Variants in CLYBL observed in about 807,000 individuals in gnomAD.
CLYBL encodes citramalyl-CoA lyase, mitochondrial.
A neutral mutation model predicts 38.9 loss-of-function variants in CLYBL; 31 were observed. That is an observed-to-expected ratio of 0.80 (90% CI 0.60 to 1.08). CLYBL has a LOEUF of 1.08. Among genes scored for constraint, CLYBL ranks in the 50% least tolerant of loss-of-function variants. The pLI, the probability that CLYBL is intolerant of heterozygous loss-of-function variation, is 0.00. For missense variants in CLYBL, 434 were observed against 411.6 expected (o/e 1.05, Z -0.47); for synonymous variants, 171 against 158.6 (o/e 1.08, Z -0.59).
intron 1 of CLYBL, among the ~76,000 whole-genome samples, chr13:99,733,643 A>G (rs893594255): frequency 2.6e-5 from 4 of 152,248 alleles, no homozygotes; most frequent in African/African-American, 9.6e-5. Context: ...TCCTTCCCTC[A>G]GAAGAAACAG....
intron 2 of CLYBL, among the ~76,000 whole-genome samples, chr13:99,844,186 G>C (rs531160197): frequency 6.6e-6 from 1 of 152,304 alleles, no homozygotes; most frequent in East Asian, 1.9e-4. Flanking sequence ...GTAAGGAAGG[G>C]TTCTGCAGAC....
chr13:99,874,782 G>A (rs1006715821), intron 7 of CLYBL, among the ~76,000 whole-genome samples: 1 of 152,142 alleles, frequency 6.6e-6, no homozygotes, highest in Non-Finnish European at 1.5e-5. Context: ...AGGCAAAAAT[G>A]ACAGCTAAAG....
At chr13:99,685,985 A>T (rs1000192767) in intron 1 of CLYBL, among the ~76,000 whole-genome samples, 4 of 152,126 alleles carry the variant, frequency 2.6e-5, no homozygotes, top group Non-Finnish European at 5.9e-5. Flanking sequence ...AGAATCTCAT[A>T]GACATTTTTC....
intron 2 of CLYBL, among the ~76,000 whole-genome samples, chr13:99,817,299 G>C (rs752318791): frequency 1.3e-5 from 2 of 152,124 alleles, no homozygotes; most frequent in Admixed American, 1.3e-4. Flanking sequence ...CGAGAGGAGA[G>C]GAGACGAAAG....
At chr13:99,701,420 C>G (rs1337432197) in intron 1 of CLYBL, among the ~76,000 whole-genome samples, 1 of 152,070 alleles carries the variant, frequency 6.6e-6, no homozygotes, top group Non-Finnish European at 1.5e-5. Context: ...ACACTGTTCT[C>G]CTGCCTCAGC....
At chr13:99,864,591 A>G (rs764737470) in intron 4 of CLYBL, among the ~76,000 whole-genome samples, 2 of 152,268 alleles carry the variant, frequency 1.3e-5, no homozygotes, top group African/African-American at 2.4e-5. Context: ...TTTGAACATT[A>G]TAACTATATT....
chr13:99,765,779 A>G (rs1310643075), intron 1 of CLYBL, among the ~76,000 whole-genome samples: 1 of 151,934 alleles, frequency 6.6e-6, no homozygotes, highest in East Asian at 1.9e-4. Flanking sequence ...TCCTGGGTTC[A>G]AGCAATCCAC....
chr13:99,718,159 A>C (rs2048345671), intron 1 of CLYBL, among the ~76,000 whole-genome samples: 1 of 152,066 alleles, frequency 6.6e-6, no homozygotes, highest in African/African-American at 2.4e-5. Flanking sequence ...AACTATAGGC[A>C]TTAGCTACCT....
intron 1 of CLYBL, among the ~76,000 whole-genome samples, chr13:99,612,399 T>TTTC (rs1222894755): frequency 6.7e-6 from 1 of 148,234 alleles, no homozygotes; most frequent in African/African-American, 2.5e-5. Flanking sequence ...TTTTTTTTTT[T>TTTC]TTTTTTGAGA....
chr13:99,673,853 G>A (rs903113193), intron 1 of CLYBL, among the ~76,000 whole-genome samples: 5 of 152,232 alleles, frequency 3.3e-5, no homozygotes, highest in African/African-American at 1.2e-4. Context: ...GGTGAGAGCT[G>A]CTGGTGTCTC....
intron 1 of CLYBL, among the ~76,000 whole-genome samples, chr13:99,725,782 C>T (rs780597390): frequency 7.9e-5 from 12 of 152,126 alleles, no homozygotes; most frequent in Admixed American, 3.9e-4. Flanking sequence ...GAACGGCTCC[C>T]GGGGAGGCAT....
intron 7 of CLYBL, chr13:99,877,571 C>CTTAT: frequency 1.4e-5 from 3 of 212,138 alleles, no homozygotes; most frequent in South Asian, 1.1e-4. Context: ...TTTTGTAATT[C>CTTAT]TTTTTTTTTT....
intron 1 of CLYBL, among the ~76,000 whole-genome samples, chr13:99,677,697 C>G (rs956270003): frequency 1.3e-5 from 2 of 152,186 alleles, no homozygotes; most frequent in African/African-American, 4.8e-5. Context: ...ATTGTAATTA[C>G]ATTTGATCAC....
chr13:99,840,168 CAG>C (rs1228798630), intron 2 of CLYBL, among the ~76,000 whole-genome samples: 7 of 151,676 alleles, frequency 4.6e-5, no homozygotes, highest in Non-Finnish European at 8.8e-5. Context: ...CTGCGATGGT[CAG>C]AGACACCAGG....
chr13:99,787,154 G>A (rs1362457512), intron 2 of CLYBL, among the ~76,000 whole-genome samples: 4 of 152,038 alleles, frequency 2.6e-5, no homozygotes, highest in Non-Finnish European at 5.9e-5. Flanking sequence ...TCTGTAGGTT[G>A]CCTGTTCACT....
downstream of CLYBL, chr13:99,893,201 G>A (rs1479947301): frequency 1.3e-5 from 2 of 152,342 alleles, no homozygotes; most frequent in Admixed American, 6.5e-5. Context: ...GAAGGAGGAA[G>A]ATGGCATCTC....
chr13:99,608,429 A>G (rs1395482324), intron 1 of CLYBL, among the ~76,000 whole-genome samples: 1 of 151,982 alleles, frequency 6.6e-6, no homozygotes, highest in Non-Finnish European at 1.5e-5. Flanking sequence ...CCCATGTCCT[A>G]TGGGAGGACC....
At chr13:99,785,456 A>G (rs994092095) in intron 2 of CLYBL, among the ~76,000 whole-genome samples, 1 of 151,914 alleles carries the variant, frequency 6.6e-6, no homozygotes, top group African/African-American at 2.4e-5. Context: ...CAATTAGTCT[A>G]AAATTCATTC....
At chr13:99,816,082 G>A (rs2050441274) in intron 2 of CLYBL, among the ~76,000 whole-genome samples, 1 of 152,148 alleles carries the variant, frequency 6.6e-6, no homozygotes, top group Non-Finnish European at 1.5e-5. Flanking sequence ...AAATGTTCAA[G>A]GCATTGCACT....
Sources: gnomAD v4.1 joint callset for allele counts (sites outside exome capture counted in the v4.1 genomes callset) on GRCh38, gnomAD v4.1.1 for gene constraint, MANE v1.5 for transcripts, NCBI Gene and HGNC (gene_info 2026-07-23, HGNC 2026-07-21) for gene names.